The following CRELD2 variants were observed in gnomAD, a reference collection of about 807,000 sequenced individuals.
CRELD2 encodes the protein CRELD disulfide isomerase 2, also known as protein disulfide isomerase CRELD2.
Under a neutral mutation model 48.1 loss-of-function variants are expected in CRELD2, and 33 were observed. The ratio of observed to expected loss-of-function variants is 0.69; its 90% CI spans 0.52 to 0.92. CRELD2 has a LOEUF of 0.92. CRELD2 is among the 40% of genes least tolerant of loss of function. The pLI is 0.00. For synonymous variants in CRELD2, 220 were observed against 203.9 expected (o/e 1.08, Z -0.67); for missense variants, 477 against 482.4 (o/e 0.99, Z 0.10).
Position 49,922,116 on chromosome 22 carries a change from G to A in CRELD2, c.592+355G>A, listed in dbSNP as rs536792175. ...AGCATCTGTCAAATCCCTGCAGGCC[G>A]TTATGAGTGGCATCTTTCCAAAGGA... On this transcript the variant is annotated intron_variant, in intron 5 of 9. Transcript: ENST00000328268. The A allele has an allele frequency of 5.0e-5, 36 of 715,766 alleles. 1 individual carries two copies. The highest frequency in any genetic ancestry group is 3.6e-4 in the South Asian group (18 of 49,408). The allele number at this position is 715,766 out of a possible 1,614,324, so 44.3% of individuals were successfully genotyped here. A position where few individuals can be genotyped will look rare whatever the true frequency, so the allele number is the denominator to read the frequency against.
rs761987095 is a variant in CRELD2 at position 49,920,241 on chromosome 22, T to G, written c.409T>G (p.Cys137Gly). Residue 137 changes from cysteine (C) to glycine (G), a missense_variant, in exon 4 of 10, where the codon TGT becomes GGT. Cys to Gly is a radical substitution (Grantham distance 159). Transcript: ENST00000328268. ...CTCTCCAGGAACCTACGGTCCCGACTGTCTCGGTGCGTTTCTCCTCAGGGA... is the reference window on the plus strand; with the variant it reads ...CTCTCCAGGAACCTACGGTCCCGACGGTCTCGGTGCGTTTCTCCTCAGGGA... ...CCSPGTYGPDCLACQGGSQRP... is the reference protein window; with the variant it reads ...CCSPGTYGPDGLACQGGSQRP... The G allele has an allele frequency of 6.2e-7, 1 of 1,607,688 alleles. No individual in the cohort carries two copies.
intron 7 of CRELD2, chr22:49,924,139 C>G (rs969944405): frequency 6.8e-6 from 3 of 439,232 alleles, no homozygotes; most frequent in Non-Finnish European, 1.2e-5. Flanking sequence ...GAGTTCCAAG[C>G]CAGGTGGTCT....
At chr22:49,919,615 C>A in intron 2 of CRELD2, 115 bp from the exon 3 acceptor site, 1 of 732,756 alleles carries the variant, frequency 1.4e-6, no homozygotes, top group East Asian at 2.7e-5. Context: ...CCCTTATTCT[C>A]TGTGCCCGGA....
chr22:49,918,919 G>A, intron 1 of CRELD2, 21 bp downstream of exon 1: 2 of 1,333,188 alleles, frequency 1.5e-6, no homozygotes, highest in South Asian at 2.0e-5. Flanking sequence ...GCCGGGCGGG[G>A]TCGTCAACCT....
Position 49,922,628 on chromosome 22 carries a change from C to G in CRELD2, c.609C>G (p.Cys203Trp). Residue 203 changes from cysteine to tryptophan, a missense_variant, in exon 6 of 10, where the codon TGC (cysteine) becomes TGG (tryptophan). Cys to Trp is a radical substitution (Grantham distance 215, BLOSUM62 -2). Transcript: ENST00000328268. ...HSICTACDES[C>W]KTCSGLTNRD... ...GCCTTCCAGCCTGTGACGAGTCCTG[C>G]AAGACGTGCTCGGGCCTGACCAACA... 6.4e-7 allele frequency: 1 copy of G among 1,565,414 alleles called. No homozygotes were observed. Among genetic ancestry groups the G allele is most frequent in the African/African-American group, 1.4e-5 (1 of 73,318 alleles).
chr22:49,924,464 CG>C lies in CRELD2; in HGVS notation c.868+13del. On this transcript the variant is annotated intron_variant, in intron 8 of 9. Transcript: ENST00000328268. ...GCACGGACAGTGTGCAGGTCAGTGA[CG>C]GGGTCTGTGCTGGACGCTGGTGGAC... 4.4e-6 allele frequency: 7 copies of C among 1,590,090 alleles called. No individual in the cohort carries two copies. The highest frequency in any genetic ancestry group is 6.0e-6 in the Non-Finnish European group (7 of 1,165,298).
chr22:49,919,071 C>A (rs1056932933), intron 1 of CRELD2, among the ~76,000 whole-genome samples, 159 bp from the exon 2 acceptor site: 3 of 146,942 alleles, frequency 2.0e-5, no homozygotes, highest in Non-Finnish European at 4.5e-5. Flanking sequence ...CACCGTGGTC[C>A]TGGAGTCCCC....
chr22:49,920,550 G>A (rs2060674625), intron 4 of CRELD2, among the ~76,000 whole-genome samples: 1 of 152,188 alleles, frequency 6.6e-6, no homozygotes, highest in Admixed American at 6.5e-5. Context: ...ACTCACCTGA[G>A]AGTCTGTCCT....
At chr22:49,922,260 C>T in intron 5 of CRELD2, 2 of 1,420,122 alleles carry the variant, frequency 1.4e-6, no homozygotes, top group Non-Finnish European at 1.9e-6. Flanking sequence ...GATCGATAGT[C>T]AGGACCGGCC....
At chr22:49,923,140 C>G in intron 6 of CRELD2, 94 bp from the exon 7 acceptor site, 1 of 1,023,256 alleles carries the variant, frequency 9.8e-7, no homozygotes. Context: ...CCCAGCCGGC[C>G]CTGGCCACGG....
chr22:49,923,613 C>T (rs998274908), intron 7 of CRELD2: 26 of 520,176 alleles, frequency 5.0e-5, no homozygotes, highest in African/African-American at 4.2e-4. Context: ...CTTTCCGCAG[C>T]GCCTGTCGGG....
At chr22:49,922,979 G>A (rs890325060) in intron 6 of CRELD2, among the ~76,000 whole-genome samples, 4 of 151,712 alleles carry the variant, frequency 2.6e-5, no homozygotes, top group East Asian at 1.9e-4. Context: ...ACAATGTGTC[G>A]CCATCCTCAT....
rs1332338510 is a variant in CRELD2, at chr22:49,927,517, C to T, written c.*210C>T. The T allele has an allele frequency of 1.2e-4, 66 of 571,854 alleles. No individual in the cohort carries two copies. In the East Asian group the frequency reaches 1.9e-3, roughly 16 times the overall value. The allele number at this position is 571,854 out of a possible 1,614,324, so 35.4% of individuals were successfully genotyped here. On this transcript the variant is annotated 3_prime_UTR_variant, in exon 10 of 10. Coordinates refer to ENST00000328268, the MANE Select transcript of CRELD2 (RefSeq NM_024324.5). ...TACAGTTCTTTGTAATAAAATTGAC[C>T]ATTGTAGGTAATCAGGAGGAGAACG...
At position 49,921,661 on chromosome 22, in the gene CRELD2, G is replaced by T. The variant is rs1192351735; in HGVS notation, c.492G>T (p.Gly164=). 1.9e-6 allele frequency: 3 copies of T among 1,612,832 alleles called. No homozygotes were observed. Among genetic ancestry groups the T allele is most frequent in the Non-Finnish European group, 2.5e-6 (3 of 1,179,970 alleles). The part of the protein sequence containing the change: ...CSGDGSRQGD[G]SCRCHMGYQG... ...GAGATGGGAGCAGACAGGGCGACGG[G>T]TCCTGCCGGTGCCACATGGGGTACC... The change falls in exon 5 of 10, where the codon GGG becomes GGT. Residue 164 remains glycine, a synonymous_variant. Transcript: ENST00000328268.
chr22:49,919,781 C>G lies in CRELD2; in HGVS notation c.264C>G (p.Phe88Leu). 1 of 1,612,964 alleles carries G rather than the reference C, an allele frequency of 6.2e-7. No homozygotes were observed. Among genetic ancestry groups the G allele is most frequent in the Non-Finnish European group, 8.5e-7 (1 of 1,179,636 alleles). The part of the protein sequence containing the change: ...ILEGLCESSD[F>L]ECNQMLEAQE... Reference sequence around the variant, plus strand: ...AGGGGCTGTGCGAGAGCAGCGACTTCGAATGCAATCAGATGCTAGAGGCGC... The same window carrying G: ...AGGGGCTGTGCGAGAGCAGCGACTTGGAATGCAATCAGATGCTAGAGGCGC... Residue 88 changes from phenylalanine (F) to leucine (L), a missense_variant, in exon 3 of 10, where the codon TTC (phenylalanine) becomes TTG (leucine). By Grantham distance (22) the Phe-to-Leu change is conservative. Coordinates refer to ENST00000328268, the MANE Select transcript of CRELD2 (RefSeq NM_024324.5).
chr22:49,922,162 C>G, intron 5 of CRELD2: 1 of 1,017,232 alleles, frequency 9.8e-7, no homozygotes. Flanking sequence ...CTGGTTGTCA[C>G]TGATATGTAG....
At chr22:49,925,141 A>T in intron 8 of CRELD2, 1 of 270,398 alleles carries the variant, frequency 3.7e-6, no homozygotes, top group Non-Finnish European at 7.0e-6. Flanking sequence ...AAAAAAAAAA[A>T]AAAAAGGAAA....
Position 49,920,245 on chromosome 22 carries a change from T to G in CRELD2, c.413T>G (p.Leu138Arg), listed in dbSNP as rs1569183285. The change falls in exon 4 of 10, where the codon CTC becomes CGC. Residue 138 changes from leucine to arginine, a missense_variant and splice_region_variant. Leu to Arg is a moderately radical substitution (Grantham distance 102). Coordinates refer to ENST00000328268, the MANE Select transcript of CRELD2 (RefSeq NM_024324.5). ...CCAGGAACCTACGGTCCCGACTGTC[T>G]CGGTGCGTTTCTCCTCAGGGAAATC... ...CSPGTYGPDCLACQGGSQRPC... is the reference protein window; with the variant it reads ...CSPGTYGPDCRACQGGSQRPC... 2.5e-6 allele frequency: 4 copies of G among 1,602,944 alleles called. No individual in the cohort carries two copies. The highest frequency in any genetic ancestry group is 3.4e-6 in the Non-Finnish European group (4 of 1,171,284).
At chr22:49,922,832 GCGTGAGGTGGGGGC>G (rs2060710070) in intron 6 of CRELD2, 125 bp downstream of exon 6, 1 of 130,788 alleles carries the variant, frequency 7.6e-6, no homozygotes. Flanking sequence ...AAGTGTGGGG[GCGTGAGGTGGGGGC>G]GTGAGGTGTG....
Sources: allele counts gnomAD v4.1 joint callset (sites outside exome capture counted in the v4.1 genomes callset), GRCh38; gene constraint gnomAD v4.1.1; transcripts MANE v1.5; gene names NCBI Gene and HGNC (gene_info 2026-07-23, HGNC 2026-07-21).